The following CRACR2B variants were observed in gnomAD, a reference collection of about 807,000 sequenced individuals.
CRACR2B encodes EF-hand calcium-binding domain-containing protein 4A.
CRACR2B carries 50 observed loss-of-function variants against 46.0 expected under a neutral mutation model. The ratio of observed to expected loss-of-function variants is 1.09; its 90% CI spans 0.87 to 1.38. The LOEUF (loss-of-function observed/expected upper bound fraction) is 1.38, where lower values mean the gene tolerates loss of function less well. Ranked by LOEUF, CRACR2B falls within the 40% of genes most tolerant of loss-of-function variation. CRACR2B has a pLI of 0.00. For synonymous variants in CRACR2B, 277 were observed against 239.6 expected (o/e 1.16, Z -1.44); for missense variants, 667 against 535.0 (o/e 1.25, Z -2.43).
chr11:829,264 CCT>C, intron 2 of CRACR2B, 94 bp from the exon 3 acceptor site: 1 of 1,495,344 alleles, frequency 6.7e-7, no homozygotes. Context: ...GAAACTGGGC[CCT>C]GAGAGAGGGC....
chr11:830,732 C>T lies in CRACR2B; in HGVS notation c.786+19C>T, dbSNP rs982386640. 2 of 1,516,788 alleles carry T rather than the reference C, an allele frequency of 1.3e-6. No individual in the cohort carries two copies. The highest frequency in any genetic ancestry group is 2.0e-5 in the Admixed American group (1 of 49,486). The allele number at this position is 1,516,788 out of a possible 1,614,324, so 94.0% of individuals were successfully genotyped here. A position where few individuals can be genotyped will look rare whatever the true frequency, so the allele number is the denominator to read the frequency against. The stretch of plus-strand genomic sequence containing the variant: ...GCGGGAGGTGAGCACCCGGCCCCTG[C>T]CCTGTCCCCACGGTCACCCGTGCAC... On this transcript the variant is annotated intron_variant, in intron 6 of 8. Transcript: ENST00000525077.
At chr11:826,598 A>T (rs1292477130), upstream of CRACR2B, among the ~76,000 whole-genome samples, 1 of 152,242 alleles carries the variant, frequency 6.6e-6, no homozygotes, top group Non-Finnish European at 1.5e-5. Flanking sequence ...ATCTCGGCTC[A>T]CTGCAAACTC....
intron 5 of CRACR2B, 124 bp from the exon 6 acceptor site, chr11:830,497 C>A (rs113266690): frequency 0.04 from 62,084 of 1,538,270 alleles, 1,444 homozygotes; most frequent in Non-Finnish European, 0.046. Context: ...CGTATCACCC[C>A]CGTCCGGTCT....
chr11:827,522 C>T (rs1184192368), upstream of CRACR2B: 5 of 984,400 alleles, frequency 5.1e-6, no homozygotes, highest in Non-Finnish European at 6.0e-6. Flanking sequence ...CCCACCCCAC[C>T]AGCCCATCCT....
At position 831,747 on chromosome 11, in the gene CRACR2B, T is replaced by C. The variant is rs961918755; in HGVS notation, c.*38T>C. The C allele has an allele frequency of 2.7e-6, 4 of 1,466,826 alleles. No individual in the cohort carries two copies. In the African/African-American group the frequency reaches 5.9e-5, roughly 21 times the overall value. 90.9% of individuals were successfully genotyped at this position (1,466,826 alleles called of 1,614,324 possible). On this transcript the variant is annotated 3_prime_UTR_variant, in exon 9 of 9. Transcript: ENST00000525077. ...GACTCACGGACCATGAGCTAGAAGCTGCCCTTGCAGGAGGCTTGTCATGGG... is the reference window on the plus strand; with the variant it reads ...GACTCACGGACCATGAGCTAGAAGCCGCCCTTGCAGGAGGCTTGTCATGGG...
At position 827,984 on chromosome 11, in the gene CRACR2B, G is replaced by A. The variant is rs575776595; in HGVS notation, c.-624G>A. On this transcript the variant is annotated 5_prime_UTR_variant, in exon 1 of 9. Coordinates refer to ENST00000525077, the MANE Select transcript of CRACR2B (RefSeq NM_001286606.2). Reference sequence around the variant, plus strand: ...TGTTCCTGAGTGGGGCGTCAGAGGCGAAGGGCTCTGCAGGCTGGGACCTTG... The same window carrying A: ...TGTTCCTGAGTGGGGCGTCAGAGGCAAAGGGCTCTGCAGGCTGGGACCTTG... Among the ~76,000 whole-genome samples the A allele has an allele frequency of 9.2e-5, 14 of 152,278 alleles. No homozygotes were observed. The highest frequency in any genetic ancestry group is 3.1e-4 in the African/African-American group (13 of 41,560).
Position 830,015 on chromosome 11 carries a change from GGCTGCA to G in CRACR2B, c.491_496del (p.Leu164_Gln165del), listed in dbSNP as rs1367791959. ...CGGGCTGTGAGGACGCTCTGGGCCAGGCTGCAGCGCGAGCGCCCCGAGCTGCTGGGC... is the reference window on the plus strand; with the variant it reads ...CGGGCTGTGAGGACGCTCTGGGCCAGGCGCGAGCGCCCCGAGCTGCTGGGC... On this transcript the variant is annotated inframe_deletion, in exon 4 of 9. Transcript: ENST00000525077. The G allele has an allele frequency of 2.7e-5, 43 of 1,571,606 alleles. No individual in the cohort carries two copies. Among genetic ancestry groups the G allele is most frequent in the Admixed American group, 1.0e-4 (6 of 57,206 alleles).
At position 831,219 on chromosome 11, in the gene CRACR2B, C is replaced by T. The variant is rs779219869; in HGVS notation, c.954-5C>T. On this transcript the variant is annotated splice_polypyrimidine_tract_variant and splice_region_variant and intron_variant, in intron 7 of 8. Transcript: ENST00000525077. The stretch of plus-strand genomic sequence containing the variant: ...TGCAGCCGGGTCACCACCTCCCATC[C>T]ACAGAGACGTGGTCGCCGTCTCCAG... 1.9e-6 allele frequency: 3 copies of T among 1,609,912 alleles called. No homozygotes were observed. The highest frequency in any genetic ancestry group is 1.1e-5 in the South Asian group (1 of 91,008).
chr11:831,516 C>G lies in CRACR2B; in HGVS notation c.1026-19C>G, dbSNP rs772442791. 1.0e-5 allele frequency: 16 copies of G among 1,565,448 alleles called. No individual in the cohort carries two copies. The highest frequency in any genetic ancestry group is 1.3e-5 in the Non-Finnish European group (15 of 1,158,170). On this transcript the variant is annotated intron_variant, in intron 8 of 8. Transcript: ENST00000525077. ...GAGCTCCCTCAGACCCTCTCAGTGT[C>G]GGACTCCTCCTTCCCTAGGGAGCTG...
rs1057022590 is a variant in CRACR2B, at chr11:828,367, C to T, written c.-241C>T. The T allele has an allele frequency of 1.0e-4, 52 of 513,832 alleles. No homozygotes were observed. The highest frequency in any genetic ancestry group is 7.0e-4 in the African/African-American group (35 of 49,902). The allele number at this position is 513,832 out of a possible 1,614,324, so 31.8% of individuals were successfully genotyped here. On this transcript the variant is annotated 5_prime_UTR_variant, in exon 1 of 9. The change creates a premature stop within an existing upstream ORF in the 5' untranslated region. Coordinates refer to ENST00000525077, the MANE Select transcript of CRACR2B (RefSeq NM_001286606.2). ...TCCTGAGATGCCAGACCCACTGGGGCAGTACCCACAGGCCCTGAGCCTACA... is the reference window on the plus strand; with the variant it reads ...TCCTGAGATGCCAGACCCACTGGGGTAGTACCCACAGGCCCTGAGCCTACA...
In CRACR2B at chr11:828,952, G is replaced by A. The variant is rs957216008; in HGVS notation, c.266G>A (p.Cys89Tyr). ...HTGFLTAREFCLGLGMFVGVA... is the reference protein window; with the variant it reads ...HTGFLTAREFYLGLGMFVGVA... Reference sequence around the variant, plus strand: ...GGCTTCCTCACCGCCAGGGAGTTCTGCCTGGGCCTGGGTGAGCCTGTGGCC... The same window carrying A: ...GGCTTCCTCACCGCCAGGGAGTTCTACCTGGGCCTGGGTGAGCCTGTGGCC... Residue 89 changes from cysteine (C) to tyrosine (Y), a missense_variant, in exon 2 of 9, where the codon TGC (cysteine) becomes TAC (tyrosine). Physicochemically the swap from Cys to Tyr is radical, Grantham distance 194. Transcript: ENST00000525077. 2 of 1,603,998 alleles carry A rather than the reference G, an allele frequency of 1.2e-6. No homozygotes were observed. The highest frequency in any genetic ancestry group is 1.7e-6 in the Non-Finnish European group (2 of 1,179,872).
chr11:829,636 G>T (rs1846223745), intron 3 of CRACR2B, 96 bp downstream of exon 3: 1 of 1,329,994 alleles, frequency 7.5e-7, no homozygotes, highest in South Asian at 1.5e-5. Flanking sequence ...TTCTGCACAG[G>T]GTCTCTAGGC....
At position 829,479 on chromosome 11, in the gene CRACR2B, G is replaced by A. The variant is rs761036648; in HGVS notation, c.397G>A (p.Glu133Lys). 6 of 1,608,472 alleles carry A rather than the reference G, an allele frequency of 3.7e-6. No homozygotes were observed. In the Admixed American group the frequency reaches 5.1e-5, roughly 14 times the overall value. The change falls in exon 3 of 9, where the codon GAA (glutamate) becomes AAA (lysine). Residue 133 changes from glutamate (E) to lysine (K), a missense_variant. By Grantham distance (56) the Glu-to-Lys change is moderately conservative. Transcript: ENST00000525077. ...GGCGGGCTCTCTGGATGAGGAGGAG[G>A]AAGAGGAGGAGCGATTCCACACTGT... is the stretch of plus-strand genomic sequence containing the variant. The part of the protein sequence containing the change: ...GTAGSLDEEE[E>K]EEERFHTVLE...
intron 2 of CRACR2B, 188 bp from the exon 3 acceptor site, chr11:829,172 T>G: frequency 4.5e-6 from 6 of 1,335,644 alleles, no homozygotes; most frequent in Non-Finnish European, 6.1e-6. Context: ...TCCTCTCCTG[T>G]GCTAAGCTCC....
At position 830,790 on chromosome 11, in the gene CRACR2B, C is replaced by A. The variant is rs564817336; in HGVS notation, c.787-76C>A. ...CTGTGCCTTAGCGTCCCCGGGTTGT[C>A]GGGAGCCTGGGGCACGCGCAGCACC... is the stretch of plus-strand genomic sequence containing the variant. On this transcript the variant is annotated intron_variant, in intron 6 of 8. Transcript: ENST00000525077. 2.7e-6 allele frequency: 4 copies of A among 1,481,930 alleles called. No homozygotes were observed. The African/African-American group carries it at 5.6e-5, about 21-fold the overall frequency. The allele number at this position is 1,481,930 out of a possible 1,614,324, so 91.8% of individuals were successfully genotyped here.
Position 830,273 on chromosome 11 carries a change from A to G in CRACR2B, c.629A>G (p.Glu210Gly), listed in dbSNP as rs1382638600. The G allele has an allele frequency of 2.0e-6, 3 of 1,522,394 alleles. No homozygotes were observed. Among genetic ancestry groups the G allele is most frequent in the Non-Finnish European group, 2.6e-6 (3 of 1,132,772 alleles). The allele number at this position is 1,522,394 out of a possible 1,614,324, so 94.3% of individuals were successfully genotyped here. A position where few individuals can be genotyped will look rare whatever the true frequency, so the allele number is the denominator to read the frequency against. ...AGGCGCGAGAGCGAGCACGAGAGGG[A>G]GGTGCGCGCTCTGTACGAGGAGACG... ...LRRRESEHEREVRALYEETEQ... is the reference protein window; with the variant it reads ...LRRRESEHERGVRALYEETEQ... The change falls in exon 5 of 9, where the codon GAG (glutamate) becomes GGG (glycine). Residue 210 changes from glutamate (E) to glycine (G), a missense_variant. Glu to Gly is a moderately conservative substitution (Grantham distance 98). Transcript: ENST00000525077.
In CRACR2B at chr11:828,348, G is replaced by C; in HGVS notation, c.-260G>C. ...CCCCTCCTGGGTTCCAGCCTCCTGA[G>C]ATGCCAGACCCACTGGGGCAGTACC... is the stretch of plus-strand genomic sequence containing the variant. On this transcript the variant is annotated 5_prime_UTR_variant, in exon 1 of 9. Transcript: ENST00000525077. 2.2e-6 allele frequency: 1 copy of C among 459,790 alleles called. No individual in the cohort carries two copies. Among genetic ancestry groups the C allele is most frequent in the South Asian group, 3.4e-5 (1 of 29,228 alleles). The allele number at this position is 459,790 out of a possible 1,614,324, so 28.5% of individuals were successfully genotyped here.
chr11:831,594 G>C lies in CRACR2B; in HGVS notation c.1085G>C (p.Ser362Thr). ...RDACEARRAG[S>T]SCRKALTTAR... The stretch of plus-strand genomic sequence containing the variant: ...GCCTGCGAGGCCAGGCGGGCGGGCA[G>C]CAGCTGCAGGAAGGCTCTGACAACA... Residue 362 changes from serine (S) to threonine (T), a missense_variant, in exon 9 of 9, where the codon AGC (serine) becomes ACC (threonine). Ser to Thr is a moderately conservative substitution (Grantham distance 58). Coordinates refer to ENST00000525077, the MANE Select transcript of CRACR2B (RefSeq NM_001286606.2). The C allele has an allele frequency of 6.3e-7, 1 of 1,586,510 alleles. No individual in the cohort carries two copies. Among genetic ancestry groups the C allele is most frequent in the Non-Finnish European group, 8.5e-7 (1 of 1,170,874 alleles).
chr11:829,274 G>T, intron 2 of CRACR2B, 86 bp from the exon 3 acceptor site: 1 of 1,508,674 alleles, frequency 6.6e-7, no homozygotes, highest in Non-Finnish European at 8.9e-7. Flanking sequence ...CCTGAGAGAG[G>T]GCAGGATACT....
Sources: allele counts gnomAD v4.1 joint callset (sites outside exome capture counted in the v4.1 genomes callset), GRCh38; gene constraint gnomAD v4.1.1; transcripts MANE v1.5; gene names NCBI Gene and HGNC (gene_info 2026-07-23, HGNC 2026-07-21).